PHLDB2: variants seen among roughly 807,000 people sequenced by gnomAD.
PHLDB2 encodes pleckstrin homology-like domain family B member 2.
PHLDB2 carries 71 observed loss-of-function variants against 123.6 expected under a neutral mutation model. That is an observed-to-expected ratio of 0.57 (90% CI 0.47 to 0.70). PHLDB2 has a LOEUF of 0.70. Among genes scored for constraint, PHLDB2 ranks in the 30% least tolerant of loss-of-function variants. PHLDB2 has a pLI of 0.00. For missense variants in PHLDB2, 1,446 were observed against 1,519.5 expected (o/e 0.95, Z 0.80); for synonymous variants, 547 against 541.6 (o/e 1.01, Z -0.14).
chr3:111,762,623 G>A (rs1465381885), intron 1 of PHLDB2, among the ~76,000 whole-genome samples: 1 of 152,144 alleles, frequency 6.6e-6, no homozygotes, highest in Non-Finnish European at 1.5e-5. Context: ...GATTAAAGGA[G>A]GAGGTATTAT....
At chr3:111,917,980 A>G (rs1577079864) in intron 3 of PHLDB2, among the ~76,000 whole-genome samples, 1 of 152,176 alleles carries the variant, frequency 6.6e-6, no homozygotes, top group Non-Finnish European at 1.5e-5. Context: ...GTGAAACTGT[A>G]TAATTATTGA....
At chr3:111,906,660 T>C (rs2067553038) in intron 2 of PHLDB2, among the ~76,000 whole-genome samples, 1 of 152,320 alleles carries the variant, frequency 6.6e-6, no homozygotes, top group East Asian at 1.9e-4. Flanking sequence ...TATTCACGTA[T>C]GTCTCACTCT....
intron 1 of PHLDB2, among the ~76,000 whole-genome samples, chr3:111,877,495 A>C (rs986543051): frequency 6.6e-6 from 1 of 152,094 alleles, no homozygotes; most frequent in Admixed American, 6.5e-5. Flanking sequence ...AGATTGCAAA[A>C]ATTTCTCCCA....
chr3:111,838,093 C>T (rs1309107631), intron 1 of PHLDB2, among the ~76,000 whole-genome samples: 1 of 152,048 alleles, frequency 6.6e-6, no homozygotes, highest in Non-Finnish European at 1.5e-5. Context: ...ACTGAACCTA[C>T]CAACACAGAT....
intron 1 of PHLDB2, among the ~76,000 whole-genome samples, chr3:111,795,582 T>A (rs1292639819): frequency 6.6e-6 from 1 of 152,176 alleles, no homozygotes; most frequent in African/African-American, 2.4e-5. Context: ...CTCACTTCCA[T>A]ACATCTTGAA....
chr3:111,931,873 C>A (rs1399300322), intron 5 of PHLDB2, among the ~76,000 whole-genome samples: 1 of 152,160 alleles, frequency 6.6e-6, no homozygotes, highest in African/African-American at 2.4e-5. Context: ...GTAAATGCCC[C>A]CTTTCCTTTG....
chr3:111,867,198 T>C (rs183565201), intron 1 of PHLDB2, among the ~76,000 whole-genome samples: 6 of 152,124 alleles, frequency 3.9e-5, no homozygotes, highest in African/African-American at 1.4e-4. Flanking sequence ...TTTAGGAACT[T>C]AATTCAGTAT....
At chr3:111,831,955 A>C (rs1164804881) in intron 1 of PHLDB2, among the ~76,000 whole-genome samples, 8 of 152,128 alleles carry the variant, frequency 5.3e-5, no homozygotes, top group Non-Finnish European at 1.2e-4. Context: ...TGTCAGAGAG[A>C]GTTACTCCCT....
intron 6 of PHLDB2, among the ~76,000 whole-genome samples, chr3:111,935,220 C>T (rs2069402970): frequency 6.6e-6 from 1 of 151,048 alleles, no homozygotes; most frequent in Admixed American, 6.6e-5. Flanking sequence ...CTGCTTCAGC[C>T]TCCTGAGCAG....
chr3:111,836,193 T>C (rs1421061905), intron 1 of PHLDB2, among the ~76,000 whole-genome samples: 2 of 152,050 alleles, frequency 1.3e-5, no homozygotes, highest in Non-Finnish European at 2.9e-5. Context: ...AAGGACAAAA[T>C]GCAGAAAGAG....
chr3:111,895,857 A>AAATCTATCT (rs1553746617), intron 2 of PHLDB2, among the ~76,000 whole-genome samples: 28 of 96,086 alleles, frequency 2.9e-4, no homozygotes, highest in South Asian at 6.3e-4. Context: ...AAAAAAAAAA[A>AAATCTATCT]ATCTATCTAT....
At chr3:111,895,780 T>A (rs1281583378) in intron 2 of PHLDB2, among the ~76,000 whole-genome samples, 1 of 151,488 alleles carries the variant, frequency 6.6e-6, no homozygotes, top group African/African-American at 2.4e-5. Context: ...ACCCATGAGG[T>A]GAAGGTTGCA....
chr3:111,859,309 A>G lies in PHLDB2; in HGVS notation c.-282A>G, dbSNP rs2064670449. The G allele has an allele frequency of 1.0e-6, 1 of 985,538 alleles. No individual in the cohort carries two copies. Among genetic ancestry groups the G allele is most frequent in the African/African-American group, 1.7e-5 (1 of 57,380 alleles). The allele number at this position is 985,538 out of a possible 1,614,324, so 61.0% of individuals were successfully genotyped here. A position where few individuals can be genotyped will look rare whatever the true frequency, so the allele number is the denominator to read the frequency against. On this transcript the variant is annotated 5_prime_UTR_variant, in exon 1 of 18. An upstream start codon of the reference 5' UTR is lost. Coordinates refer to ENST00000431670, the MANE Select transcript of PHLDB2 (RefSeq NM_001134438.2). ...AGCTTTGAGAAGCTGGCGCCCAGTG[A>G]TGGGGCAAACAGCCATGCCCTTCCA...
chr3:111,752,623 A>T (rs1419825228), intron 1 of PHLDB2, among the ~76,000 whole-genome samples: 2 of 150,930 alleles, frequency 1.3e-5, no homozygotes, highest in Non-Finnish European at 2.9e-5. Flanking sequence ...TAACAAAAAA[A>T]TTTCTTTTTT....
chr3:111,834,933 A>T (rs1424100860), intron 1 of PHLDB2, among the ~76,000 whole-genome samples: 1 of 152,064 alleles, frequency 6.6e-6, no homozygotes, highest in Non-Finnish European at 1.5e-5. Context: ...CATTATTGCC[A>T]TAGTAATCTT....
At chr3:111,830,860 T>C (rs1439852628) in intron 1 of PHLDB2, among the ~76,000 whole-genome samples, 1 of 140,834 alleles carries the variant, frequency 7.1e-6, no homozygotes, top group East Asian at 2.2e-4. Flanking sequence ...TCTAAGCATA[T>C]CATTGTCAGC....
chr3:111,968,069 C>T (rs540788894), intron 15 of PHLDB2, among the ~76,000 whole-genome samples: 2 of 150,628 alleles, frequency 1.3e-5, no homozygotes, highest in African/African-American at 4.9e-5. Context: ...ATGCATGGAA[C>T]GTTTTGCCAG....
At chr3:111,896,196 G>A (rs984343414) in intron 2 of PHLDB2, among the ~76,000 whole-genome samples, 1 of 151,990 alleles carries the variant, frequency 6.6e-6, no homozygotes, top group Non-Finnish European at 1.5e-5. Context: ...CAAGTGATTT[G>A]CTCCCCTTAG....
intron 1 of PHLDB2, among the ~76,000 whole-genome samples, chr3:111,749,074 C>A (rs1229567204): frequency 4.2e-5 from 6 of 141,902 alleles, no homozygotes; most frequent in Non-Finnish European, 6.1e-5. Context: ...CATTGAAAAA[C>A]AAAAATCCTT....
Sources: gnomAD v4.1 joint callset for allele counts (sites outside exome capture counted in the v4.1 genomes callset) on GRCh38, gnomAD v4.1.1 for gene constraint, MANE v1.5 for transcripts, NCBI Gene and HGNC (gene_info 2026-07-23, HGNC 2026-07-21) for gene names.